Variants in LRRC69 observed in about 807,000 individuals in gnomAD.
The protein encoded by LRRC69 is leucine rich repeat containing 69, also known as leucine-rich repeat-containing protein 69.
In LRRC69, 42 loss-of-function variants were observed where a neutral mutation model predicts 37.8. That is an observed-to-expected ratio of 1.11 (90% CI 0.87 to 1.44). LRRC69 has a LOEUF of 1.44. Among genes scored for constraint, LRRC69 ranks in the 40% most tolerant of loss-of-function variants. The probability of loss-of-function intolerance (pLI) is 0.00; values close to 1 mark genes in which losing one functional copy is unlikely to be tolerated. For synonymous variants in LRRC69, 141 were observed against 143.1 expected (o/e 0.99, Z 0.11); for missense variants, 357 against 401.9 (o/e 0.89, Z 0.96).
rs140126068 is a variant in LRRC69, at chr8:91,147,917, T to C, written c.651+12178T>C. On this transcript the variant is annotated intron_variant, in intron 5 of 7. Transcript: ENST00000448384. The stretch of plus-strand genomic sequence containing the variant: ...TTGTTCCCTTCCCTGTGTCCATGTA[T>C]TCTCATTGTTCAGCTCCCACATATG... 1.2e-3 allele frequency among the ~76,000 whole-genome samples: 186 copies of C among 151,782 alleles called. 1 individual carries two copies. The highest frequency in any genetic ancestry group is 4.3e-3 in the African/African-American group (179 of 41,492).
rs1487715518 is a variant in LRRC69, at chr8:91,120,554, G to A, written c.184-3939G>A. ...AAAGGGGTTGGGCTGTTATGTCCTG[G>A]CATCTGCCATGGTGTAGCAGCTGTC... On this transcript the variant is annotated intron_variant, in intron 1 of 7. Coordinates refer to ENST00000448384, the Ensembl canonical transcript of LRRC69. 2.6e-5 allele frequency among the ~76,000 whole-genome samples: 4 copies of A among 152,136 alleles called. 1 individual carries two copies. Among genetic ancestry groups the A allele is most frequent in the Admixed American group, 2.6e-4 (4 of 15,268 alleles).
chr8:91,165,907 C>A (rs1809020319), intron 5 of LRRC69, among the ~76,000 whole-genome samples: 1 of 151,628 alleles, frequency 6.6e-6, no homozygotes, highest in African/African-American at 2.4e-5. Context: ...TATTTCTTTA[C>A]AAATTAGCTT....
chr8:91,209,128 G>A (rs112502690), intron 7 of LRRC69, among the ~76,000 whole-genome samples: 24 of 152,074 alleles, frequency 1.6e-4, no homozygotes, highest in Non-Finnish European at 3.1e-4. Context: ...AGGTTGCATC[G>A]ATAAGAAGCC....
chr8:91,103,856 T>G (rs537527692), intron 1 of LRRC69, among the ~76,000 whole-genome samples: 12 of 152,134 alleles, frequency 7.9e-5, no homozygotes, highest in African/African-American at 2.9e-4. Flanking sequence ...CAAAAGAATT[T>G]GGGACTTGAC....
intron 1 of LRRC69, among the ~76,000 whole-genome samples, chr8:91,104,312 C>G (rs758810139): frequency 6.6e-6 from 1 of 151,904 alleles, no homozygotes; most frequent in Non-Finnish European, 1.5e-5. Flanking sequence ...GAAGTTTTTA[C>G]TTTTATAACA....
chr8:91,146,669 G>C (rs1363717837), intron 5 of LRRC69, among the ~76,000 whole-genome samples: 1 of 151,820 alleles, frequency 6.6e-6, no homozygotes, highest in African/African-American at 2.4e-5. Flanking sequence ...AGGATGGGTA[G>C]ATGGATAGAT....
chr8:91,117,756 G>T (rs1027455686), intron 1 of LRRC69, among the ~76,000 whole-genome samples: 1 of 151,682 alleles, frequency 6.6e-6, no homozygotes, highest in African/African-American at 2.4e-5. Flanking sequence ...TGCCATGTTA[G>T]GCTGCATAAT....
At chr8:91,171,349 T>C (rs1001117983) in intron 5 of LRRC69, among the ~76,000 whole-genome samples, 3 of 152,000 alleles carry the variant, frequency 2.0e-5, no homozygotes, top group African/African-American at 7.2e-5. Context: ...CGGAGGATCA[T>C]AAACAATTAT....
chr8:91,146,330 G>A lies in LRRC69; in HGVS notation c.651+10591G>A, dbSNP rs113401558. 3.4e-4 allele frequency among the ~76,000 whole-genome samples: 52 copies of A among 151,950 alleles called. No homozygotes were observed. The Middle Eastern group carries it at 0.01, about 30-fold the overall frequency. ...CATCTCTCTTGTTGAGAGGCCAGAA[G>A]GACAGGATCATAAAGTCAGAGAGCT... On this transcript the variant is annotated intron_variant, in intron 5 of 7. Coordinates refer to ENST00000448384, the Ensembl canonical transcript of LRRC69.
At chr8:91,173,286 T>C (rs1158967948) in intron 5 of LRRC69, among the ~76,000 whole-genome samples, 1 of 151,564 alleles carries the variant, frequency 6.6e-6, no homozygotes, top group Non-Finnish European at 1.5e-5. Flanking sequence ...CTCTGTGTTT[T>C]GAATTGCCTT....
chr8:91,190,226 C>G (rs1237598322), intron 6 of LRRC69, among the ~76,000 whole-genome samples: 1 of 149,956 alleles, frequency 6.7e-6, no homozygotes, highest in Non-Finnish European at 1.5e-5. Context: ...ATCAACTTTC[C>G]TGGCTGCAGG....
At chr8:91,197,428 G>A (rs1163720846) in intron 6 of LRRC69, among the ~76,000 whole-genome samples, 1 of 152,090 alleles carries the variant, frequency 6.6e-6, no homozygotes, top group Non-Finnish European at 1.5e-5. Context: ...AATGGCGGGC[G>A]CCCCTCCCCC....
At chr8:91,189,559 G>A (rs1809457923) in exon 6 of LRRC69, 1 of 1,551,062 alleles carries the variant, frequency 6.4e-7, no homozygotes, top group East Asian at 2.4e-5. Context: ...TACTGTGAGG[G>A]AAACCCACTG....
At chr8:91,181,956 A>G (rs1055542523) in intron 5 of LRRC69, among the ~76,000 whole-genome samples, 3 of 152,188 alleles carry the variant, frequency 2.0e-5, no homozygotes, top group Non-Finnish European at 4.4e-5. Flanking sequence ...GGGAACAATG[A>G]TGATGATCTT....
intron 1 of LRRC69, among the ~76,000 whole-genome samples, chr8:91,116,295 A>G (rs1053529256): frequency 3.3e-5 from 5 of 151,968 alleles, no homozygotes; most frequent in Non-Finnish European, 1.5e-5. Flanking sequence ...AGACAACCCT[A>G]AGAAGTAAAT....
intron 7 of LRRC69, chr8:91,209,437 C>CAATAAATAAATA (rs150183776): frequency 6.7e-6 from 1 of 148,958 alleles, no homozygotes; most frequent in Non-Finnish European, 1.5e-5. Flanking sequence ...AACTATGTCT[C>CAATAAATAAATA]AATAAATAAA....
intron 3 of LRRC69, among the ~76,000 whole-genome samples, chr8:91,132,158 C>A (rs1813819960): frequency 1.3e-5 from 2 of 151,952 alleles, no homozygotes; most frequent in Non-Finnish European, 2.9e-5. Context: ...TAACACACTT[C>A]AACCTTGAGA....
chr8:91,208,064 A>C (rs111557417), intron 7 of LRRC69, among the ~76,000 whole-genome samples: 14 of 152,172 alleles, frequency 9.2e-5, no homozygotes, highest in African/African-American at 3.4e-4. Context: ...TCTCATAAGG[A>C]TGTCAGTCAT....
At chr8:91,210,625 A>G (rs1809896406) in intron 7 of LRRC69, among the ~76,000 whole-genome samples, 1 of 151,988 alleles carries the variant, frequency 6.6e-6, no homozygotes, top group Non-Finnish European at 1.5e-5. Flanking sequence ...TGAGGAAACA[A>G]GCTTGGAAGC....
Sources: gnomAD v4.1 joint callset for allele counts (sites outside exome capture counted in the v4.1 genomes callset) on GRCh38, gnomAD v4.1.1 for gene constraint, MANE v1.5 for transcripts, NCBI Gene and HGNC (gene_info 2026-07-23, HGNC 2026-07-21) for gene names.